Variants in ZDHHC9 observed in about 807,000 individuals in gnomAD.
ZDHHC9 encodes zDHHC palmitoyltransferase 9.
In ZDHHC9, 3 loss-of-function variants were observed where a neutral mutation model predicts 26.6. The observed-to-expected ratio is 0.11, with a 90% CI of 0.05 to 0.29. The LOEUF (loss-of-function observed/expected upper bound fraction) is 0.29. Among genes scored for constraint, ZDHHC9 ranks in the 10% least tolerant of loss-of-function variants. ZDHHC9 has a pLI of 1.00. For missense variants in ZDHHC9, 146 were observed against 296.4 expected (o/e 0.49, Z 3.73); for synonymous variants, 111 against 109.4 (o/e 1.01, Z -0.09).
intron 3 of ZDHHC9, among the ~76,000 whole-genome samples, chrX:129,830,979 C>G (rs944049954): frequency 1.8e-5 from 2 of 111,316 alleles, no homozygotes; most frequent in African/African-American, 6.5e-5. Context: ...TCTTAAGTTG[C>G]TTTTTTAATG....
chrX:129,831,596 T>C (rs1029986614), intron 3 of ZDHHC9, among the ~76,000 whole-genome samples: 2 of 111,948 alleles, frequency 1.8e-5, no homozygotes, highest in Middle Eastern at 4.6e-3. Context: ...TAAAGGTCTC[T>C]GTAATCTCCA....
intron 3 of ZDHHC9, among the ~76,000 whole-genome samples, chrX:129,831,622 G>C (rs1928140750): frequency 9.0e-6 from 1 of 111,681 alleles, no homozygotes; most frequent in Non-Finnish European, 1.9e-5. Flanking sequence ...AGCATCTTCT[G>C]CACCTGCTAA....
rs1296898925 is a variant in ZDHHC9 at position 129,836,371 on chromosome X, C to T, written c.167+5408G>A. On this transcript the variant is annotated intron_variant, in intron 3 of 10. Transcript: ENST00000357166. ...CAATCTCGGCTCACTGCAACCTCCG[C>T]CTCCCAAGTTCAAGTGATTCTCCTG... is the stretch of plus-strand genomic sequence containing the variant. Among the ~76,000 whole-genome samples, 4 of 111,622 alleles carry T rather than the reference C, an allele frequency of 3.6e-5. No homozygotes were observed. The East Asian group carries it at 1.1e-3, about 31-fold the overall frequency.
intron 10 of ZDHHC9, among the ~76,000 whole-genome samples, chrX:129,809,551 G>A (rs746643337): frequency 8.1e-5 from 9 of 111,755 alleles, no homozygotes; most frequent in Non-Finnish European, 1.5e-4. Flanking sequence ...TGGTTGCCTA[G>A]GGGTGTGGCT....
At chrX:129,832,707 C>T (rs1394593636) in intron 3 of ZDHHC9, among the ~76,000 whole-genome samples, 2 of 110,593 alleles carry the variant, frequency 1.8e-5, no homozygotes, top group Admixed American at 9.7e-5. Context: ...GGTGTGAACC[C>T]GGGAGGTGGA....
In ZDHHC9 at chrX:129,805,510, T is replaced by C. The variant is rs1927495320; in HGVS notation, c.*860A>G. On this transcript the variant is annotated 3_prime_UTR_variant, in exon 11 of 11. Transcript: ENST00000357166. ...AAAGAAATGACCAAAGTGCAGACTT[T>C]TATTACTGCCATTCCTGCTCCTAAT... The C allele has an allele frequency of 9.0e-6, 1 of 110,932 alleles. No homozygotes were observed. The highest frequency in any genetic ancestry group is 3.9e-4 in the South Asian group (1 of 2,584). 9.1% of individuals were successfully genotyped at this position (110,932 alleles called of 1,213,427 possible).
chrX:129,821,494 T>C (rs751294938), intron 5 of ZDHHC9, among the ~76,000 whole-genome samples: 2 of 108,245 alleles, frequency 1.8e-5, no homozygotes, highest in Admixed American at 9.8e-5. Flanking sequence ...GGTTTCACCA[T>C]GTTAGCCAGA....
intron 3 of ZDHHC9, among the ~76,000 whole-genome samples, chrX:129,835,054 G>T (rs1274264579): frequency 8.9e-6 from 1 of 112,444 alleles, no homozygotes; most frequent in East Asian, 2.8e-4. Context: ...CAAAAGATGG[G>T]AGAGGCATTC....
At chrX:129,811,607 A>G in intron 8 of ZDHHC9, 98 bp from the exon 9 acceptor site, 1 of 712,730 alleles carries the variant, frequency 1.4e-6, no homozygotes, top group Non-Finnish European at 2.1e-6. Flanking sequence ...AAAAATAATA[A>G]TAATAATGTT....
intron 3 of ZDHHC9, among the ~76,000 whole-genome samples, chrX:129,838,047 A>C (rs755933133): frequency 1.8e-4 from 20 of 112,476 alleles, no homozygotes; most frequent in African/African-American, 6.1e-4. Context: ...AAAATTGTTC[A>C]TGTGCTCAAA....
In ZDHHC9 at chrX:129,810,898, C is replaced by T. The variant is rs1323871265; in HGVS notation, c.978+7G>A. 1 of 1,207,292 alleles carries T rather than the reference C, an allele frequency of 8.3e-7. No individual in the cohort carries two copies. Among genetic ancestry groups the T allele is most frequent in the Non-Finnish European group, 1.1e-6 (1 of 891,657 alleles). ...TATCGACCCAGCCTTAAGTCAGGAA[C>T]ACTTACTGGGCTCTGTGGCAAGAGG... On this transcript the variant is annotated splice_region_variant and intron_variant, in intron 10 of 10. Coordinates refer to ENST00000357166, the MANE Select transcript of ZDHHC9 (RefSeq NM_016032.4).
At chrX:129,841,034 T>G (rs1248339704) in intron 3 of ZDHHC9, among the ~76,000 whole-genome samples, 1 of 110,512 alleles carries the variant, frequency 9.0e-6, no homozygotes, top group Non-Finnish European at 1.9e-5. Context: ...CCCTAGAGTG[T>G]AGAGCATTCT....
At chrX:129,826,934 C>G (rs754136252) in intron 4 of ZDHHC9, among the ~76,000 whole-genome samples, 1 of 112,761 alleles carries the variant, frequency 8.9e-6, no homozygotes, top group South Asian at 3.6e-4. Flanking sequence ...TGGCTTACGC[C>G]TGTAATCCCA....
At chrX:129,823,917 TG>T (rs760562871) in intron 4 of ZDHHC9, 80 bp from the exon 5 acceptor site, 1 of 984,160 alleles carries the variant, frequency 1.0e-6, no homozygotes, top group East Asian at 3.1e-5. Flanking sequence ...CCAAAACCAA[TG>T]GGGGCATTCA....
intron 2 of ZDHHC9, among the ~76,000 whole-genome samples, chrX:129,842,921 T>C (rs920381962): frequency 3.6e-5 from 4 of 112,338 alleles, no homozygotes; most frequent in Non-Finnish European, 7.5e-5. Context: ...CTAAGAAAAG[T>C]CACAAGGGCG....
At chrX:129,807,554 T>C (rs915130850) in intron 10 of ZDHHC9, among the ~76,000 whole-genome samples, 2 of 110,776 alleles carry the variant, frequency 1.8e-5, no homozygotes, top group Non-Finnish European at 3.8e-5. Context: ...GTACGGTGGC[T>C]CGTGCCTATA....
At chrX:129,818,884 C>G (rs1035254562) in intron 5 of ZDHHC9, among the ~76,000 whole-genome samples, 1 of 111,059 alleles carries the variant, frequency 9.0e-6, no homozygotes, top group African/African-American at 3.3e-5. Flanking sequence ...TAAAATACAT[C>G]AATTTGGGCC....
At position 129,804,520 on chromosome X, in the gene ZDHHC9, T is replaced by C. The variant is rs1927466469; in HGVS notation, c.*1850A>G. 1 of 111,439 alleles carries C rather than the reference T, an allele frequency of 9.0e-6. No individual in the cohort carries two copies. Among genetic ancestry groups the C allele is most frequent in the Non-Finnish European group, 1.9e-5 (1 of 53,005 alleles). The allele number at this position is 111,439 out of a possible 1,213,427, so 9.2% of individuals were successfully genotyped here. A position where few individuals can be genotyped will look rare whatever the true frequency, so the allele number is the denominator to read the frequency against. ...TAGGGAGTCTTGATTATACACCACC[T>C]AGAAAGAAATATATACCATCACTTG... On this transcript the variant is annotated 3_prime_UTR_variant, in exon 11 of 11. Coordinates refer to ENST00000357166, the MANE Select transcript of ZDHHC9 (RefSeq NM_016032.4).
intron 5 of ZDHHC9, among the ~76,000 whole-genome samples, chrX:129,819,351 T>C (rs952542130): frequency 3.6e-5 from 4 of 110,545 alleles, no homozygotes; most frequent in Non-Finnish European, 7.6e-5. Context: ...ATATATTTTT[T>C]ACAGTATTTT....
Sources: gnomAD v4.1 joint callset for allele counts (sites outside exome capture counted in the v4.1 genomes callset) on GRCh38, gnomAD v4.1.1 for gene constraint, MANE v1.5 for transcripts, NCBI Gene and HGNC (gene_info 2026-07-23, HGNC 2026-07-21) for gene names.